ROBO1: variants seen among roughly 807,000 people sequenced by gnomAD.
ROBO1 encodes the protein roundabout guidance receptor 1, also known as roundabout homolog 1.
A neutral mutation model predicts 195.9 loss-of-function variants in ROBO1; 149 were observed. That is an observed-to-expected ratio of 0.76 (90% CI 0.67 to 0.87). The LOEUF is 0.87. Among genes scored for constraint, ROBO1 ranks in the 40% least tolerant of loss-of-function variants. The pLI is 0.00. For synonymous variants in ROBO1, 816 were observed against 733.2 expected, an observed-to-expected ratio of 1.11 and a Z score of -1.82; for missense variants, 1,933 against 2,068.3, an observed-to-expected ratio of 0.93 and a Z score of 1.27.
At chr3:79,421,038 G>A (rs1010162969) in intron 2 of ROBO1, among the ~76,000 whole-genome samples, 38 of 152,188 alleles carry the variant, frequency 2.5e-4, no homozygotes, top group African/African-American at 8.7e-4. Flanking sequence ...ATACTATGTA[G>A]CCATAAAAAA....
intron 4 of ROBO1, among the ~76,000 whole-genome samples, chr3:78,871,615 C>T (rs2035549681): frequency 6.6e-6 from 1 of 150,870 alleles, no homozygotes; most frequent in Non-Finnish European, 1.5e-5. Flanking sequence ...TTGTATTATA[C>T]TTATATTTTT....
intron 3 of ROBO1, among the ~76,000 whole-genome samples, chr3:79,093,236 G>A (rs2079510711): frequency 6.6e-6 from 1 of 152,148 alleles, no homozygotes; most frequent in South Asian, 2.1e-4. Flanking sequence ...GAGAGCTTCA[G>A]TGATTCTGAA....
At chr3:79,459,799 A>C (rs1017107641) in intron 2 of ROBO1, among the ~76,000 whole-genome samples, 2 of 152,138 alleles carry the variant, frequency 1.3e-5, no homozygotes, top group Non-Finnish European at 2.9e-5. Context: ...ACAAGGTATT[A>C]TTATGAATAA....
At chr3:78,870,661 C>T (rs11715491) in intron 4 of ROBO1, among the ~76,000 whole-genome samples, 1 of 152,286 alleles carries the variant, frequency 6.6e-6, no homozygotes, top group South Asian at 2.1e-4. Context: ...GGAATCATGG[C>T]TGAGCCCATC....
chr3:78,603,325 T>C (rs990704000), intron 29 of ROBO1, among the ~76,000 whole-genome samples: 29 of 152,156 alleles, frequency 1.9e-4, no homozygotes, highest in African/African-American at 7.0e-4. Flanking sequence ...CCTCTTTTCT[T>C]AGGAAAGAGA....
chr3:78,659,443 C>T (rs567530802), intron 17 of ROBO1, among the ~76,000 whole-genome samples: 1 of 152,228 alleles, frequency 6.6e-6, no homozygotes, highest in African/African-American at 2.4e-5. Context: ...ACTAAGGATG[C>T]ACATCAGAAT....
chr3:79,317,902 A>G (rs939053834), intron 2 of ROBO1, among the ~76,000 whole-genome samples: 6 of 152,134 alleles, frequency 3.9e-5, no homozygotes. Flanking sequence ...ATATACACAC[A>G]CGCATAAACA....
chr3:79,726,438 A>T (rs755604104), intron 1 of ROBO1, among the ~76,000 whole-genome samples: 1 of 152,226 alleles, frequency 6.6e-6, no homozygotes, highest in Admixed American at 6.5e-5. Context: ...TCAAATCTAT[A>T]TTATAATGTC....
At chr3:79,597,411 AATAAGT>A (rs1335797538) in intron 1 of ROBO1, among the ~76,000 whole-genome samples, 4 of 152,164 alleles carry the variant, frequency 2.6e-5, no homozygotes, top group South Asian at 2.1e-4. Context: ...AACCTCCTAT[AATAAGT>A]ATATTATTTT....
At chr3:79,268,431 A>T (rs570435088) in intron 2 of ROBO1, among the ~76,000 whole-genome samples, 31 of 151,704 alleles carry the variant, frequency 2.0e-4, no homozygotes, top group African/African-American at 7.5e-4. Context: ...CCCTTTCTGT[A>T]TCTTTCACCT....
At chr3:78,938,996 T>C (rs1357214184) in intron 3 of ROBO1, 69 bp from the exon 4 acceptor site, 18 of 1,353,326 alleles carry the variant, frequency 1.3e-5, no homozygotes, top group Middle Eastern at 1.9e-4. Context: ...TTTTAAAGCA[T>C]TGGCTTAACC....
intron 1 of ROBO1, among the ~76,000 whole-genome samples, chr3:79,591,872 C>A (rs1944009604): frequency 6.6e-6 from 1 of 151,560 alleles, no homozygotes; most frequent in South Asian, 2.1e-4. Context: ...TTCTCAGATT[C>A]CTCTTCTCTC....
chr3:79,312,876 A>G (rs2033551706), intron 2 of ROBO1, among the ~76,000 whole-genome samples: 1 of 152,230 alleles, frequency 6.6e-6, no homozygotes, highest in Non-Finnish European at 1.5e-5. Context: ...ATTAAATATT[A>G]AAATAAATGT....
chr3:79,256,653 A>T (rs1311549540), intron 2 of ROBO1, among the ~76,000 whole-genome samples: 1 of 152,210 alleles, frequency 6.6e-6, no homozygotes, highest in Admixed American at 6.5e-5. Flanking sequence ...TGATGAACTC[A>T]TAAGACTTAA....
chr3:79,730,119 G>A (rs574956076), intron 1 of ROBO1, among the ~76,000 whole-genome samples: 157 of 152,202 alleles, frequency 1.0e-3, no homozygotes, highest in African/African-American at 3.5e-3. Flanking sequence ...AGGTGCTAAG[G>A]ATCTTTCCCT....
chr3:79,062,429 A>G (rs1202412029), intron 3 of ROBO1, among the ~76,000 whole-genome samples: 1 of 152,172 alleles, frequency 6.6e-6, no homozygotes, highest in Non-Finnish European at 1.5e-5. Context: ...GCATTGTGCA[A>G]GACAGTGTAG....
chr3:78,745,299 T>G (rs1576072121), intron 5 of ROBO1, among the ~76,000 whole-genome samples: 1 of 119,618 alleles, frequency 8.4e-6, no homozygotes, highest in South Asian at 2.5e-4. Flanking sequence ...AGAGCAAGAC[T>G]CCATTTCAAA....
At position 79,007,863 on chromosome 3, in the gene ROBO1, A is replaced by AT. The variant is rs200744363; in HGVS notation, c.173-68937dup. Among the ~76,000 whole-genome samples the AT allele has an allele frequency of 2.3e-3, 353 of 152,236 alleles. 2 individuals are homozygous for AT. Among genetic ancestry groups the AT allele is most frequent in the African/African-American group, 8.1e-3 (338 of 41,550 alleles). On this transcript the variant is annotated intron_variant, in intron 3 of 30. Transcript: ENST00000464233. ...AATTCCTTAAGCACAGGGAATGAGC[A>AT]TTTTTTTCTACTTTGTTGCCTGGTT...
chr3:79,040,416 A>T (rs1278916514), intron 3 of ROBO1, among the ~76,000 whole-genome samples: 1 of 152,228 alleles, frequency 6.6e-6, no homozygotes, highest in Non-Finnish European at 1.5e-5. Flanking sequence ...AACAAATGTA[A>T]TATACAAGAG....
Sources: allele counts gnomAD v4.1 joint callset (sites outside exome capture counted in the v4.1 genomes callset), GRCh38; gene constraint gnomAD v4.1.1; transcripts MANE v1.5; gene names NCBI Gene and HGNC (gene_info 2026-07-23, HGNC 2026-07-21).